The following DIAPH3 variants were observed in gnomAD, a reference collection of about 807,000 sequenced individuals.
The protein encoded by DIAPH3 is diaphanous related formin 3.
DIAPH3 carries 117 observed loss-of-function variants against 144.3 expected under a neutral mutation model. The observed-to-expected ratio is 0.81, with a 90% CI of 0.70 to 0.95. The LOEUF is 0.95. Ranked by LOEUF, DIAPH3 falls within the 40% of genes least tolerant of loss-of-function variation. The pLI is 0.00. For synonymous variants in DIAPH3, 519 were observed against 488.9 expected, an observed-to-expected ratio of 1.06 and a Z score of -0.81; for missense variants, 1,421 against 1,412.7, an observed-to-expected ratio of 1.01 and a Z score of -0.09.
intron 17 of DIAPH3, among the ~76,000 whole-genome samples, chr13:59,966,302 AG>A (rs1163067042): frequency 2.0e-5 from 3 of 152,136 alleles, no homozygotes; most frequent in African/African-American, 7.2e-5. Context: ...AAAAGGCAAC[AG>A]GAATTAAGAG....
At chr13:59,691,277 C>T (rs1455668412) in intron 27 of DIAPH3, among the ~76,000 whole-genome samples, 1 of 152,046 alleles carries the variant, frequency 6.6e-6, no homozygotes, top group African/African-American at 2.4e-5. Flanking sequence ...AGACCCTTGC[C>T]CTGCATGAGA....
At chr13:59,886,400 G>A (rs979390208) in intron 20 of DIAPH3, among the ~76,000 whole-genome samples, 1 of 151,994 alleles carries the variant, frequency 6.6e-6, no homozygotes, top group Non-Finnish European at 1.5e-5. Flanking sequence ...CAGTAGTTTA[G>A]GTCCACCAAG....
rs2050344738 is a variant in DIAPH3, at chr13:59,971,099, C to T, written c.1712G>A (p.Gly571Asp). The change falls in exon 16 of 28, where the codon GGC (glycine) becomes GAC (aspartate). Residue 571 changes from glycine to aspartate, a missense_variant. Coordinates refer to ENST00000400324, the MANE Select transcript of DIAPH3 (RefSeq NM_001042517.2). ...AGGCGGAGGAGGAAGTGCTGAGTGG[C>T]CAGTTCCACCTTCTTTAGAGGGAGG... is the stretch of plus-strand genomic sequence containing the variant. ...PLPPSKEGGT[G>D]HSALPPPPPL... 1.2e-6 allele frequency: 2 copies of T among 1,610,744 alleles called. No homozygotes were observed. Among genetic ancestry groups the T allele is most frequent in the East Asian group, 2.2e-5 (1 of 44,708 alleles).
chr13:60,051,604 G>C (rs1321498037), intron 4 of DIAPH3, among the ~76,000 whole-genome samples: 1 of 151,700 alleles, frequency 6.6e-6, no homozygotes, highest in Non-Finnish European at 1.5e-5. Flanking sequence ...TGGGCAACAA[G>C]AAACTCCGTC....
intron 21 of DIAPH3, among the ~76,000 whole-genome samples, chr13:59,874,186 C>G (rs2044462264): frequency 6.6e-6 from 1 of 152,088 alleles, no homozygotes; most frequent in Non-Finnish European, 1.5e-5. Flanking sequence ...AAAATGCCAC[C>G]AATCAGGATC....
intron 20 of DIAPH3, among the ~76,000 whole-genome samples, chr13:59,891,847 A>T (rs754648740): frequency 1.1e-4 from 17 of 152,058 alleles, no homozygotes; most frequent in Non-Finnish European, 2.2e-4. Flanking sequence ...CCGGTTGAGT[A>T]AACAGGTCAA....
intron 27 of DIAPH3, chr13:59,695,459 T>C (rs962184026): frequency 6.6e-6 from 1 of 152,112 alleles, no homozygotes; most frequent in Non-Finnish European, 1.5e-5. Flanking sequence ...CAAACAGAAA[T>C]AAAAGGTAGA....
chr13:59,693,181 G>A (rs1381378322), intron 27 of DIAPH3, among the ~76,000 whole-genome samples: 6 of 152,176 alleles, frequency 3.9e-5, no homozygotes, highest in African/African-American at 9.7e-5. Flanking sequence ...GGTGGAAGGC[G>A]CTTATGACTG....
At chr13:59,804,032 C>A (rs1462402668) in intron 25 of DIAPH3, among the ~76,000 whole-genome samples, 2 of 152,198 alleles carry the variant, frequency 1.3e-5, no homozygotes, top group African/African-American at 2.4e-5. Context: ...ATTGCAAATT[C>A]TCTGGTTCCT....
chr13:59,904,669 TTAAG>T (rs2046633936), intron 20 of DIAPH3, among the ~76,000 whole-genome samples: 1 of 152,204 alleles, frequency 6.6e-6, no homozygotes, highest in Non-Finnish European at 1.5e-5. Flanking sequence ...ATCTCTATCG[TTAAG>T]TGAGTTATGC....
chr13:59,859,846 A>G (rs564262973), intron 22 of DIAPH3, among the ~76,000 whole-genome samples: 152 of 152,294 alleles, frequency 1.0e-3, no homozygotes, highest in African/African-American at 3.4e-3. Context: ...ACACAAGAAA[A>G]TAATTTCAAT....
chr13:60,076,795 A>C (rs572771830), intron 4 of DIAPH3, among the ~76,000 whole-genome samples: 2 of 152,256 alleles, frequency 1.3e-5, no homozygotes, highest in African/African-American at 4.8e-5. Flanking sequence ...TTTTGCCACT[A>C]ATCTTAAATA....
chr13:59,682,634 T>C (rs1007644950), intron 27 of DIAPH3, among the ~76,000 whole-genome samples: 2 of 152,206 alleles, frequency 1.3e-5, no homozygotes, highest in African/African-American at 2.4e-5. Flanking sequence ...GAAAACTCTA[T>C]ATAAAATACT....
intron 27 of DIAPH3, among the ~76,000 whole-genome samples, chr13:59,743,121 G>C (rs141494351): frequency 3.7e-4 from 56 of 152,230 alleles, no homozygotes; most frequent in Non-Finnish European, 6.3e-4. Flanking sequence ...TAAACTACTG[G>C]AACTTACACA....
At chr13:59,881,010 A>G (rs2140065090) in intron 20 of DIAPH3, among the ~76,000 whole-genome samples, 1 of 151,032 alleles carries the variant, frequency 6.6e-6, no homozygotes, top group South Asian at 2.1e-4. Flanking sequence ...AGAAGAAGAA[A>G]TATCATTAAG....
chr13:59,786,753 GTA>G (rs2039051206), intron 25 of DIAPH3, among the ~76,000 whole-genome samples: 1 of 152,200 alleles, frequency 6.6e-6, no homozygotes, highest in African/African-American at 2.4e-5. Flanking sequence ...AGCTCTGTGT[GTA>G]TGTGTTTAGG....
intron 5 of DIAPH3, chr13:60,034,608 T>C (rs2055059020): frequency 6.6e-6 from 1 of 152,244 alleles, no homozygotes; most frequent in Non-Finnish European, 1.5e-5. Context: ...TTTGGTGATC[T>C]GCCGTGCTCA....
intron 27 of DIAPH3, among the ~76,000 whole-genome samples, chr13:59,723,508 C>T (rs893494265): frequency 2.6e-5 from 4 of 152,036 alleles, no homozygotes; most frequent in Non-Finnish European, 4.4e-5. Context: ...CCCCACCAAT[C>T]TATAGCTCAC....
At chr13:59,768,057 T>C (rs147532252) in intron 27 of DIAPH3, among the ~76,000 whole-genome samples, 5,310 of 152,250 alleles carry the variant, frequency 0.035, 118 homozygotes, top group Middle Eastern at 0.082. Context: ...ATGGTAAATA[T>C]AAGAGACTGA....
Sources: gnomAD v4.1 joint callset for allele counts (sites outside exome capture counted in the v4.1 genomes callset) on GRCh38, gnomAD v4.1.1 for gene constraint, MANE v1.5 for transcripts, NCBI Gene and HGNC (gene_info 2026-07-23, HGNC 2026-07-21) for gene names.